CPVL: variants seen among roughly 807,000 people sequenced by gnomAD.
CPVL encodes probable serine carboxypeptidase CPVL.
In CPVL, 51 loss-of-function variants were observed where a neutral mutation model predicts 63.7. The observed-to-expected ratio is 0.80, with a 90% CI of 0.64 to 1.01. The LOEUF is 1.01. Ranked by LOEUF, CPVL falls within the 50% of genes least tolerant of loss-of-function variation. The pLI, the probability that CPVL is intolerant of heterozygous loss-of-function variation, is 0.00. For missense variants in CPVL, 530 were observed against 573.1 expected (o/e 0.92, Z 0.77); for synonymous variants, 195 against 206.0 (o/e 0.95, Z 0.46).
At chr7:29,004,901 C>CT (rs1236433234) in intron 12 of CPVL, among the ~76,000 whole-genome samples, 10,121 of 140,104 alleles carry the variant, frequency 0.072, 440 homozygotes, top group Middle Eastern at 0.11. Context: ...CTTTTCTTTT[C>CT]TTTTTTTTTT....
At chr7:29,129,857 G>A (rs181649885) in intron 1 of CPVL, among the ~76,000 whole-genome samples, 2 of 152,090 alleles carry the variant, frequency 1.3e-5, no homozygotes, top group African/African-American at 2.4e-5. Flanking sequence ...AATATAACTC[G>A]TGTCCTTATA....
rs781664554 is a variant in CPVL at position 29,092,721 on chromosome 7, C to T, written c.463-19G>A. The T allele has an allele frequency of 8.3e-6, 13 of 1,569,094 alleles. No individual in the cohort carries two copies. The highest frequency in any genetic ancestry group is 4.4e-5 in the South Asian group (4 of 90,074). On this transcript the variant is annotated intron_variant, in intron 5 of 12. Transcript: ENST00000265394. ...TGCCCACCTGCAGGAGAAATAAACA[C>T]GCAGGTATAAACACAGAGAAACACA...
intron 5 of CPVL, among the ~76,000 whole-genome samples, chr7:29,173,082 G>A (rs1266526787): frequency 6.7e-6 from 1 of 149,262 alleles, no homozygotes; most frequent in African/African-American, 2.5e-5. Context: ...AGTGAGCTGA[G>A]ATTGCGCCAA....
intron 12 of CPVL, among the ~76,000 whole-genome samples, chr7:29,004,914 TG>T (rs1785031420): frequency 1.3e-5 from 2 of 151,258 alleles, no homozygotes; most frequent in Non-Finnish European, 2.9e-5. Flanking sequence ...TTTTTTTTTT[TG>T]AGACAGGGTC....
intron 3 of CPVL, among the ~76,000 whole-genome samples, chr7:29,105,482 G>A (rs1787632667): frequency 6.6e-6 from 1 of 152,170 alleles, no homozygotes. Context: ...ATAGGGCTGA[G>A]ACAGAAAGAC....
chr7:29,089,538 GC>G (rs1785554021), intron 6 of CPVL, among the ~76,000 whole-genome samples: 1 of 152,100 alleles, frequency 6.6e-6, no homozygotes, highest in Admixed American at 6.5e-5. Flanking sequence ...CTAAGACAGG[GC>G]CTGGGCGGAA....
chr7:29,007,068 TAC>T (rs1785268191), intron 12 of CPVL, among the ~76,000 whole-genome samples: 1 of 152,214 alleles, frequency 6.6e-6, no homozygotes, highest in Admixed American at 6.5e-5. Context: ...TACTCTAAAA[TAC>T]AGACTTCTCA....
chr7:29,049,866 C>T (rs897694713), intron 11 of CPVL, among the ~76,000 whole-genome samples: 45 of 152,180 alleles, frequency 3.0e-4, no homozygotes, highest in African/African-American at 1.0e-3. Flanking sequence ...GTTTAACATA[C>T]ACAAATCAAT....
chr7:29,135,267 T>C (rs1248163980), intron 1 of CPVL, among the ~76,000 whole-genome samples: 1 of 151,902 alleles, frequency 6.6e-6, no homozygotes, highest in Admixed American at 6.6e-5. Context: ...TATTAGAAAC[T>C]TTCCAGAGAA....
intron 11 of CPVL, among the ~76,000 whole-genome samples, chr7:29,059,286 C>G (rs1279428064): frequency 6.6e-6 from 1 of 152,100 alleles, no homozygotes; most frequent in Non-Finnish European, 1.5e-5. Flanking sequence ...TTTTCAATAT[C>G]CATCTGTTCT....
At chr7:29,074,335 G>T (rs535597595) in intron 7 of CPVL, among the ~76,000 whole-genome samples, 1 of 152,156 alleles carries the variant, frequency 6.6e-6, no homozygotes, top group East Asian at 1.9e-4. Context: ...ATAAAGGTGT[G>T]TTCATATGTC....
intron 5 of CPVL, among the ~76,000 whole-genome samples, chr7:29,178,454 G>A (rs796624817): frequency 2.6e-5 from 4 of 152,070 alleles, no homozygotes; most frequent in Admixed American, 6.5e-5. Context: ...TGCCCAGCTC[G>A]TGTCTGACTC....
chr7:29,189,075 C>T lies in CPVL; in HGVS notation c.-447-2528G>A, dbSNP rs149942375. Among the ~76,000 whole-genome samples the T allele has an allele frequency of 1.9e-3, 288 of 151,920 alleles. 1 individual carries two copies. Among genetic ancestry groups the T allele is most frequent in the African/African-American group, 6.5e-3 (267 of 41,380 alleles). ...AAGCAATTCTCCTGTCTCAGCCTCC[C>T]GAGTAGCTGACATTACAGGCGCACA... On this transcript the variant is annotated intron_variant, in intron 1 of 16. Transcript: ENST00000409850.
At chr7:29,045,602 A>G (rs1406873730) in intron 11 of CPVL, among the ~76,000 whole-genome samples, 1 of 152,212 alleles carries the variant, frequency 6.6e-6, no homozygotes, top group African/African-American at 2.4e-5. Context: ...CTCACAGTCA[A>G]CACAGTCAGA....
intron 5 of CPVL, among the ~76,000 whole-genome samples, chr7:29,152,100 A>G (rs920286735): frequency 6.6e-6 from 1 of 152,234 alleles, no homozygotes; most frequent in Non-Finnish European, 1.5e-5. Context: ...TGGGTTATCT[A>G]GAAAAGTGAC....
intron 12 of CPVL, among the ~76,000 whole-genome samples, chr7:29,022,110 G>T (rs1463373819): frequency 6.6e-6 from 1 of 152,156 alleles, no homozygotes; most frequent in East Asian, 1.9e-4. Flanking sequence ...CCCAGCAGCA[G>T]GGTGGCTGCA....
intron 7 of CPVL, among the ~76,000 whole-genome samples, chr7:29,084,913 T>C (rs542449519): frequency 2.0e-5 from 3 of 152,180 alleles, no homozygotes; most frequent in Admixed American, 6.5e-5. Flanking sequence ...ATTGGGCATA[T>C]TGTAAAAGCA....
At chr7:29,091,045 T>C (rs527599149) in intron 6 of CPVL, among the ~76,000 whole-genome samples, 2 of 152,214 alleles carry the variant, frequency 1.3e-5, no homozygotes, top group Non-Finnish European at 2.9e-5. Flanking sequence ...GTGTAAACTA[T>C]AAAGGAAACA....
rs1554323543 is a variant in CPVL at position 28,998,686 on chromosome 7, T to TATCAGGAGGATTGCTTGAG, written c.1321-2823_1321-2805dup. Among the ~76,000 whole-genome samples, 918 of 152,208 alleles carry TATCAGGAGGATTGCTTGAG rather than the reference T, an allele frequency of 6.0e-3. 4 individuals are homozygous for TATCAGGAGGATTGCTTGAG. The highest frequency in any genetic ancestry group is 0.02 in the African/African-American group (850 of 41,514). Reference sequence around the variant, plus strand: ...TGAAAATCCAGAATCAAAATGCCTATATCAGGAGGATTGCTTGAGATCAGG... The same window carrying TATCAGGAGGATTGCTTGAG: ...TGAAAATCCAGAATCAAAATGCCTATATCAGGAGGATTGCTTGAGATCAGGAGGATTGCTTGAGATCAGG... On this transcript the variant is annotated intron_variant, in intron 12 of 12. Transcript: ENST00000265394.
Sources: allele counts gnomAD v4.1 joint callset (sites outside exome capture counted in the v4.1 genomes callset), GRCh38; gene constraint gnomAD v4.1.1; transcripts MANE v1.5; gene names NCBI Gene and HGNC (gene_info 2026-07-23, HGNC 2026-07-21).